LUZP1: variants seen among roughly 807,000 people sequenced by gnomAD.
The protein encoded by LUZP1 is filamin mechanobinding actin cross-linking protein.
A neutral mutation model predicts 71.3 loss-of-function variants in LUZP1; 25 were observed. The ratio of observed to expected loss-of-function variants is 0.35; its 90% CI spans 0.26 to 0.49. The LOEUF is 0.49. Among genes scored for constraint, LUZP1 ranks in the 20% least tolerant of loss-of-function variants. The pLI, the probability that LUZP1 is intolerant of heterozygous loss-of-function variation, is 0.99. For synonymous variants in LUZP1, 481 were observed against 506.4 expected (o/e 0.95, Z 0.67); for missense variants, 1,142 against 1,300.8 (o/e 0.88, Z 1.88).
At chr1:23,155,633 G>T (rs1243741634) in intron 2 of LUZP1, among the ~76,000 whole-genome samples, 2 of 152,178 alleles carry the variant, frequency 1.3e-5, no homozygotes, top group South Asian at 2.1e-4. Context: ...CAATGACTAA[G>T]AATTCTTCAA....
At position 23,093,018 on chromosome 1, in the gene LUZP1, G is replaced by T. The variant is rs553062780; in HGVS notation, c.1244C>A (p.Ser415Tyr). Residue 415 changes from serine (S) to tyrosine (Y), a missense_variant, in exon 4 of 5, where the codon TCT (serine) becomes TAT (tyrosine). Coordinates refer to ENST00000302291, the Ensembl canonical transcript of LUZP1. This position sits in a 1 kb window ranked among gnomAD's most constrained non-coding sequence, Gnocchi z 4.2. ...AGAAGAAACCTGCCTGTTGCTCAGA[G>T]AATAGTTTTCATTGTTGAGAGCAAA... 1 of 1,614,188 alleles carries T rather than the reference G, an allele frequency of 6.2e-7. No homozygotes were observed. Among genetic ancestry groups the T allele is most frequent in the South Asian group, 1.1e-5 (1 of 91,074 alleles).
intron 2 of LUZP1, among the ~76,000 whole-genome samples, chr1:23,127,912 CA>C (rs1016960880): frequency 3.9e-5 from 6 of 152,110 alleles, no homozygotes; most frequent in African/African-American, 1.4e-4. Context: ...GCAGGTGGAC[CA>C]AGAGGTCAGG....
At chr1:23,103,730 G>T (rs750404528) in intron 3 of LUZP1, among the ~76,000 whole-genome samples, 30 of 150,548 alleles carry the variant, frequency 2.0e-4, no homozygotes, top group Non-Finnish European at 3.7e-4. Context: ...AGTTTTTTGT[G>T]TTTGTAATTT....
At chr1:23,104,112 C>T (rs1002892092) in intron 3 of LUZP1, among the ~76,000 whole-genome samples, 1 of 151,788 alleles carries the variant, frequency 6.6e-6, no homozygotes, top group Admixed American at 6.6e-5. Flanking sequence ...GAGGAACATT[C>T]CCTTATCTCC....
intron 2 of LUZP1, among the ~76,000 whole-genome samples, chr1:23,129,462 T>A (rs1308420424): frequency 6.6e-6 from 1 of 152,126 alleles, no homozygotes; most frequent in Non-Finnish European, 1.5e-5. Context: ...ATGCCTGTAA[T>A]CCCAGCTACT....
chr1:23,108,376 A>T (rs1644000520), intron 3 of LUZP1, among the ~76,000 whole-genome samples: 1 of 152,202 alleles, frequency 6.6e-6, no homozygotes, highest in Non-Finnish European at 1.5e-5. Context: ...TGGGAGACTA[A>T]GGCAGGAGGA....
At chr1:23,126,942 C>T (rs937370843) in intron 2 of LUZP1, among the ~76,000 whole-genome samples, 1 of 152,206 alleles carries the variant, frequency 6.6e-6, no homozygotes, top group Non-Finnish European at 1.5e-5. Context: ...AATGAGTTGT[C>T]TTTTACTATG....
At chr1:23,146,192 A>G (rs1644341513) in intron 2 of LUZP1, among the ~76,000 whole-genome samples, 1 of 151,972 alleles carries the variant, frequency 6.6e-6, no homozygotes, top group African/African-American at 2.4e-5. Context: ...TAATTTTTGT[A>G]TTTTTAGTAG....
Position 23,093,513 on chromosome 1 carries a change from A to T in LUZP1, c.749T>A (p.Leu250Gln). ...CTTCCTTCTTGATTCTTTGGACGGC[A>T]GTGTGGAAGAGATGCCATCCTCAAT... Residue 250 changes from leucine (L) to glutamine (Q), a missense_variant, in exon 4 of 5, where the codon CTG becomes CAG. Leu to Gln is a moderately radical substitution (Grantham distance 113). Transcript: ENST00000302291. This position sits in a 1 kb window ranked among gnomAD's most constrained non-coding sequence, Gnocchi z 4.2. The T allele has an allele frequency of 6.2e-7, 1 of 1,613,156 alleles. No individual in the cohort carries two copies. Among genetic ancestry groups the T allele is most frequent in the South Asian group, 1.1e-5 (1 of 90,628 alleles).
chr1:23,123,260 G>A (rs535517300), intron 2 of LUZP1, among the ~76,000 whole-genome samples: 25 of 152,240 alleles, frequency 1.6e-4, no homozygotes, highest in African/African-American at 5.5e-4. Flanking sequence ...TTGGGAGGCC[G>A]AGGCGGGGGG....
chr1:23,092,060 A>T, exon 4 of LUZP1: 1 of 1,614,028 alleles, frequency 6.2e-7, no homozygotes, highest in Non-Finnish European at 8.5e-7. Flanking sequence ...CCCCAGCACC[A>T]TTGGTATCTG....
At chr1:23,168,207 C>T (rs866013594) in intron 2 of LUZP1, among the ~76,000 whole-genome samples, 1 of 145,952 alleles carries the variant, frequency 6.9e-6, no homozygotes, top group Non-Finnish European at 1.5e-5. Context: ...CGCACGCCGG[C>T]CCGACGCGCT....
At chr1:23,088,038 C>A (rs1643792500) in exon 5 of LUZP1, 12 of 152,704 alleles carry the variant, frequency 7.9e-5, no homozygotes, top group Admixed American at 7.8e-4. Flanking sequence ...CTGGGTCAGG[C>A]CCAGCTTAGC....
chr1:23,173,578 A>G (rs1644565941), intron 1 of LUZP1, among the ~76,000 whole-genome samples: 1 of 151,904 alleles, frequency 6.6e-6, no homozygotes, highest in Non-Finnish European at 1.5e-5. Flanking sequence ...GCTGGTCTCC[A>G]TCTTCTGAGC....
At chr1:23,166,028 TTA>T (rs967768070) in intron 2 of LUZP1, among the ~76,000 whole-genome samples, 25 of 148,550 alleles carry the variant, frequency 1.7e-4, no homozygotes, top group African/African-American at 6.3e-4. Context: ...TACTACAGCC[TTA>T]TATGTTTGTC....
At chr1:23,161,347 C>A (rs1332163867) in intron 2 of LUZP1, among the ~76,000 whole-genome samples, 1 of 152,154 alleles carries the variant, frequency 6.6e-6, no homozygotes, top group Non-Finnish European at 1.5e-5. Flanking sequence ...GAAAAAGTAT[C>A]CCTGATATTT....
In LUZP1 at chr1:23,140,537, C is replaced by T. The variant is rs566911209; in HGVS notation, c.-226+28229G>A. 149 of 152,318 alleles carry T rather than the reference C, an allele frequency of 9.8e-4. 2 individuals carry two copies. Among genetic ancestry groups the T allele is most frequent in the African/African-American group, 3.5e-3 (147 of 41,524 alleles). 9.4% of individuals were successfully genotyped at this position (152,318 alleles called of 1,614,324 possible). On this transcript the variant is annotated intron_variant, in intron 2 of 4. Transcript: ENST00000302291. The stretch of plus-strand genomic sequence containing the variant: ...CTTGTGGGAAAGTGGCATGGCACTG[C>T]TTGCCTGGCTGCTCAGAGCCTGGTG...
Position 23,094,380 on chromosome 1 carries a change from T to A in LUZP1, c.-119A>T. On this transcript the variant is annotated splice_region_variant and 5_prime_UTR_variant, in exon 4 of 5. Coordinates refer to ENST00000302291, the Ensembl canonical transcript of LUZP1. This position sits in a 1 kb window ranked among gnomAD's most constrained non-coding sequence, Gnocchi z 4.7. ...TTTGACAGCTGGAGACCATCATCAA[T>A]CTACAAAAGGAAAGTAGAAAGCATG... 1 of 1,459,348 alleles carries A rather than the reference T, an allele frequency of 6.9e-7. No homozygotes were observed. The highest frequency in any genetic ancestry group is 9.0e-7 in the Non-Finnish European group (1 of 1,110,996). The allele number at this position is 1,459,348 out of a possible 1,614,324, so 90.4% of individuals were successfully genotyped here.
At chr1:23,139,918 C>A (rs538191045) in intron 2 of LUZP1, among the ~76,000 whole-genome samples, 1 of 151,150 alleles carries the variant, frequency 6.6e-6, no homozygotes, top group South Asian at 2.1e-4. Flanking sequence ...CCACTGTATA[C>A]CAGTCTGGAG....
Sources: allele counts gnomAD v4.1 joint callset (sites outside exome capture counted in the v4.1 genomes callset), GRCh38; gene constraint gnomAD v4.1.1; non-coding constraint Gnocchi (gnomAD v3.1); transcripts MANE v1.5; gene names NCBI Gene and HGNC (gene_info 2026-07-23, HGNC 2026-07-21).